POU3F3: variants seen among roughly 807,000 people sequenced by gnomAD.
POU3F3 encodes the protein POU domain, class 3, transcription factor 3.
POU3F3 carries 1 observed loss-of-function variant against 8.6 expected under a neutral mutation model. That is an observed-to-expected ratio of 0.12 (90% CI 0.04 to 0.55). The LOEUF (loss-of-function observed/expected upper bound fraction) is 0.55, where lower values mean the gene tolerates loss of function less well. Among genes scored for constraint, POU3F3 ranks in the 20% least tolerant of loss-of-function variants. The pLI is 0.91. For missense variants in POU3F3, 577 were observed against 690.7 expected, an observed-to-expected ratio of 0.84 and a Z score of 1.84; for synonymous variants, 418 against 327.4, an observed-to-expected ratio of 1.28 and a Z score of -2.99.
the POU3F3 span, among the ~76,000 whole-genome samples, chr2:104,886,968 G>T: frequency 6.6e-6 from 1 of 151,954 alleles, no homozygotes; most frequent in East Asian, 1.9e-4. Context: ...GAAAAAAAAG[G>T]CTACTCCATA....
At chr2:104,916,324 C>T in the POU3F3 span, among the ~76,000 whole-genome samples, 7 of 152,238 alleles carry the variant, frequency 4.6e-5, no homozygotes, top group Admixed American at 3.9e-4. Flanking sequence ...TAGTGATGAA[C>T]AAGTGTATTT....
chr2:104,878,672 G>T, the POU3F3 span, among the ~76,000 whole-genome samples: 11 of 152,184 alleles, frequency 7.2e-5, 2 homozygotes, highest in South Asian at 8.3e-4. Flanking sequence ...TTGCCTGAGG[G>T]TTGGGATTAT....
At chr2:104,859,235 A>G (rs551147511), downstream of POU3F3, among the ~76,000 whole-genome samples, 19 of 152,236 alleles carry the variant, frequency 1.2e-4, no homozygotes, top group South Asian at 3.3e-3. Flanking sequence ...TTAAGGTTCT[A>G]TATTTCTGTG....
the POU3F3 span, among the ~76,000 whole-genome samples, chr2:104,877,276 G>T: frequency 1.1e-5 from 1 of 88,680 alleles, no homozygotes; most frequent in African/African-American, 4.5e-5. Context: ...TTAAGTATAA[G>T]CATCTCTCTT....
downstream of POU3F3, among the ~76,000 whole-genome samples, chr2:104,859,505 C>T (rs1186904364): frequency 6.6e-6 from 1 of 152,188 alleles, no homozygotes; most frequent in African/African-American, 2.4e-5. Flanking sequence ...AAATTCCCCC[C>T]AATCTCACTT....
At chr2:104,906,269 T>A in the POU3F3 span, among the ~76,000 whole-genome samples, 1 of 152,238 alleles carries the variant, frequency 6.6e-6, no homozygotes, top group African/African-American at 2.4e-5. Flanking sequence ...TAGTTCGCAA[T>A]CTGCATGTAA....
Position 104,856,701 on chromosome 2 carries a change from C to G in POU3F3, c.1191C>G (p.Ile397Met). 1 of 1,614,108 alleles carries G rather than the reference C, an allele frequency of 6.2e-7. No individual in the cohort carries two copies. Among genetic ancestry groups the G allele is most frequent in the Non-Finnish European group, 8.5e-7 (1 of 1,180,036 alleles). The change falls in exon 1 of 1, where the codon ATC becomes ATG. Residue 397 changes from isoleucine (I) to methionine (M), a missense_variant. Ile to Met is a conservative substitution (Grantham distance 10). This residue lies in a region of POU3F3 where 15 missense variants were observed against 17.1 expected (regional missense o/e 0.88). Coordinates refer to ENST00000361360, the MANE Select transcript of POU3F3 (RefSeq NM_006236.3). ...ADSSTGSPTS[I>M]DKIAAQGRKR... ...CAAGCACCGGCAGCCCCACAAGCAT[C>G]GACAAGATCGCGGCGCAGGGCCGCA...
At chr2:104,881,529 C>G in the POU3F3 span, among the ~76,000 whole-genome samples, 1 of 152,064 alleles carries the variant, frequency 6.6e-6, no homozygotes, top group Non-Finnish European at 1.5e-5. Context: ...TCTGTCCTCT[C>G]TCTTTCTCTT....
the POU3F3 span, among the ~76,000 whole-genome samples, chr2:104,924,386 G>A: frequency 6.6e-6 from 1 of 152,174 alleles, no homozygotes; most frequent in Non-Finnish European, 1.5e-5. Context: ...CAGAATCGAT[G>A]GGGAGGGGAG....
chr2:104,885,692 C>T, the POU3F3 span, among the ~76,000 whole-genome samples: 1 of 152,234 alleles, frequency 6.6e-6, no homozygotes, highest in Non-Finnish European at 1.5e-5. Flanking sequence ...CAGGAAAACT[C>T]ATGAATGATC....
rs1676540902 is a variant in POU3F3, at chr2:104,855,609, G to GGGT, written c.102_104dup (p.Gly43dup). The GGGT allele has an allele frequency of 1.0e-6, 1 of 966,724 alleles. No individual in the cohort carries two copies. The highest frequency in any genetic ancestry group is 4.6e-5 in the South Asian group (1 of 21,684). 59.9% of individuals were successfully genotyped at this position (966,724 alleles called of 1,614,324 possible). On this transcript the variant is annotated inframe_insertion, in exon 1 of 1. Coordinates refer to ENST00000361360, the MANE Select transcript of POU3F3 (RefSeq NM_006236.3). The stretch of plus-strand genomic sequence containing the variant: ...ACGCGGCAGGGGCTGGCGGCGGCGG[G>GGGT]GGTGGCGGCGGCGGCGGCGGCGGGG...
chr2:104,880,313 T>G, the POU3F3 span, among the ~76,000 whole-genome samples: 2 of 152,184 alleles, frequency 1.3e-5, no homozygotes, highest in Non-Finnish European at 2.9e-5. Context: ...CTCTCCAACG[T>G]TAGAGGAGGA....
At chr2:104,900,026 A>G in the POU3F3 span, among the ~76,000 whole-genome samples, 2 of 152,224 alleles carry the variant, frequency 1.3e-5, no homozygotes, top group African/African-American at 4.8e-5. Context: ...AAGATGCCAT[A>G]GTTCCAAATT....
downstream of POU3F3, among the ~76,000 whole-genome samples, chr2:104,859,255 C>G (rs1177609373): frequency 6.6e-6 from 1 of 152,136 alleles, no homozygotes; most frequent in Non-Finnish European, 1.5e-5. Context: ...GTTTTTGTCT[C>G]TCCCCAGTAT....
the POU3F3 span, among the ~76,000 whole-genome samples, chr2:104,904,600 A>T: frequency 6.6e-6 from 1 of 152,074 alleles, no homozygotes; most frequent in Admixed American, 6.5e-5. Context: ...TATAAATGTA[A>T]GGAACATTTA....
downstream of POU3F3, among the ~76,000 whole-genome samples, chr2:104,863,144 C>A (rs1573324799): frequency 2.0e-5 from 3 of 146,588 alleles, no homozygotes; most frequent in Admixed American, 7.0e-5. Flanking sequence ...TGTTCTTCCC[C>A]AGCCTCATAA....
chr2:104,927,716 T>C, the POU3F3 span, among the ~76,000 whole-genome samples: 3 of 128,944 alleles, frequency 2.3e-5, no homozygotes, highest in Non-Finnish European at 4.6e-5. Flanking sequence ...CACTCTACTC[T>C]AGCCTGAGTG....
the POU3F3 span, among the ~76,000 whole-genome samples, chr2:104,897,617 G>A: frequency 3.3e-5 from 5 of 152,162 alleles, no homozygotes; most frequent in African/African-American, 1.2e-4. Context: ...GCCCATGTGG[G>A]GAACACAGAT....
the POU3F3 span, among the ~76,000 whole-genome samples, chr2:104,918,091 C>T: frequency 6.6e-6 from 1 of 152,168 alleles, no homozygotes. Flanking sequence ...TGGCTTGTTC[C>T]TTTGTCCCTG....
Sources: allele counts gnomAD v4.1 joint callset (sites outside exome capture counted in the v4.1 genomes callset), GRCh38; gene constraint gnomAD v4.1.1; regional missense constraint gnomAD v4.1.1; transcripts MANE v1.5; gene names NCBI Gene and HGNC (gene_info 2026-07-23, HGNC 2026-07-21).